The following BRD4 variants were observed in gnomAD, a reference collection of about 807,000 sequenced individuals.
BRD4 encodes the protein bromodomain containing 4, also known as bromodomain-containing protein 4.
A neutral mutation model predicts 142.1 loss-of-function variants in BRD4; 16 were observed. The observed-to-expected ratio is 0.11, with a 90% confidence interval of 0.08 to 0.17. The LOEUF (loss-of-function observed/expected upper bound fraction) is 0.17, where lower values mean the gene tolerates loss of function less well. BRD4 is among the 10% of genes least tolerant of loss of function. The probability of loss-of-function intolerance (pLI) is 1.00; values close to 1 mark genes in which losing one functional copy is unlikely to be tolerated. For synonymous variants in BRD4, 833 were observed against 707.5 expected, an observed-to-expected ratio of 1.18 and a Z score of -2.82; for missense variants, 1,424 against 1,810.9, an observed-to-expected ratio of 0.79 and a Z score of 3.88.
At chr19:15,306,436 T>G (rs145308924) in intron 1 of BRD4, among the ~76,000 whole-genome samples, 17 of 152,166 alleles carry the variant, frequency 1.1e-4, no homozygotes, top group African/African-American at 4.1e-4. Context: ...GCCTGGCTAC[T>G]TTTTCCATTT....
Position 15,315,161 on chromosome 19 carries a change from T to C in BRD4, c.-35+17129A>G, listed in dbSNP as rs551030430. 2.7e-3 allele frequency among the ~76,000 whole-genome samples: 408 copies of C among 152,138 alleles called. 3 individuals carry two copies. The highest frequency in any genetic ancestry group is 9.5e-3 in the African/African-American group (394 of 41,438). The stretch of plus-strand genomic sequence containing the variant: ...TCTCTGGACTGGCTTTGTTTTTTTT[T>C]TCCCCCCACAGGTATTCAGAGCCAA... On this transcript the variant is annotated intron_variant, in intron 1 of 19. Transcript: ENST00000679869.
chr19:15,322,019 T>C (rs910686303), intron 1 of BRD4, among the ~76,000 whole-genome samples: 3 of 152,038 alleles, frequency 2.0e-5, no homozygotes, highest in Non-Finnish European at 4.4e-5. Flanking sequence ...AAATGGCACA[T>C]ACATACACAC....
At chr19:15,247,665 AGCAGCTCCCCAATT>A (rs1226108683) in intron 11 of BRD4, 2 of 233,038 alleles carry the variant, frequency 8.6e-6, no homozygotes, top group Non-Finnish European at 1.7e-5. Flanking sequence ...AGACAATGCC[AGCAGCTCCCCAATT>A]GTCCTGTGGG....
At chr19:15,241,995 T>C (rs2047241869) in intron 14 of BRD4, among the ~76,000 whole-genome samples, 1 of 152,052 alleles carries the variant, frequency 6.6e-6, no homozygotes, top group African/African-American at 2.4e-5. Context: ...GTATTTTTAG[T>C]ACAGATAGGG....
intron 7 of BRD4, among the ~76,000 whole-genome samples, chr19:15,259,018 T>TG (rs772543265): frequency 2.6e-5 from 4 of 151,662 alleles, no homozygotes; most frequent in Non-Finnish European, 5.9e-5. Context: ...GAGGAAAAGG[T>TG]GGGGGGCTTC....
At position 15,244,615 on chromosome 19, in the gene BRD4, A is replaced by G. The variant is rs748238461; in HGVS notation, c.2212-15T>C. The G allele has an allele frequency of 6.2e-7, 1 of 1,610,918 alleles. No individual in the cohort carries two copies. Among genetic ancestry groups the G allele is most frequent in the South Asian group, 1.1e-5 (1 of 90,984 alleles). On this transcript the variant is annotated splice_polypyrimidine_tract_variant and intron_variant, in intron 12 of 19. Transcript: ENST00000679869. The stretch of plus-strand genomic sequence containing the variant: ...TGATGATGGTGCTGCAGACAGAGAG[A>G]CAGACAGACAGACAGGCTGATGTCA...
At position 15,244,256 on chromosome 19, in the gene BRD4, G is replaced by A. The variant is rs758140608; in HGVS notation, c.2556C>T (p.Asn852=). 3.2e-6 allele frequency: 5 copies of A among 1,579,492 alleles called. No individual in the cohort carries two copies. The highest frequency in any genetic ancestry group is 1.8e-5 in the Admixed American group (1 of 54,392). ...PPEHSTPPHL[N]QHAVVSPPAL... ...CTGGAGGAGAGACCACTGCGTGCTG[G>A]TTGAGATGGGGTGGAGTGCTGTGCT... Residue 852 remains asparagine (N), a synonymous_variant, in exon 13 of 20, where the codon AAC becomes AAT. Transcript: ENST00000679869.
At chr19:15,318,769 G>A (rs2048037144) in intron 1 of BRD4, among the ~76,000 whole-genome samples, 1 of 152,226 alleles carries the variant, frequency 6.6e-6, no homozygotes, top group Admixed American at 6.5e-5. Flanking sequence ...AACAGCAGCA[G>A]CTTCAGTGTA....
chr19:15,271,900 G>A (rs2047591244), intron 2 of BRD4, among the ~76,000 whole-genome samples: 1 of 124,988 alleles, frequency 8.0e-6, no homozygotes, highest in African/African-American at 3.4e-5. Flanking sequence ...CAGAGGCTAA[G>A]GCCGCTCCTA....
chr19:15,282,005 G>C (rs963041944), intron 1 of BRD4, among the ~76,000 whole-genome samples: 1 of 151,694 alleles, frequency 6.6e-6, no homozygotes, highest in African/African-American at 2.4e-5. Context: ...GCAACAGAGC[G>C]AGACTCCATC....
intron 14 of BRD4, among the ~76,000 whole-genome samples, chr19:15,241,615 G>A (rs889223391): frequency 1.3e-5 from 2 of 152,136 alleles, no homozygotes; most frequent in African/African-American, 4.8e-5. Context: ...ATAGGTGCCT[G>A]GTGCACCCGA....
Position 15,237,936 on chromosome 19 carries a change from G to A in BRD4, c.*441C>T, listed in dbSNP as rs200846538. 15 of 241,648 alleles carry A rather than the reference G, an allele frequency of 6.2e-5. No homozygotes were observed. Among genetic ancestry groups the A allele is most frequent in the East Asian group, 1.8e-4 (3 of 16,714 alleles). 15.0% of individuals were successfully genotyped at this position (241,648 alleles called of 1,614,324 possible). A position where few individuals can be genotyped will look rare whatever the true frequency, so the allele number is the denominator to read the frequency against. ...CTGCCCTGGCCTCCTGGGAGCGGGC[G>A]GCGATGGCTGGGGTGTGGGGAAAGA... On this transcript the variant is annotated 3_prime_UTR_variant, in exon 20 of 20. Transcript: ENST00000679869.
intron 11 of BRD4, chr19:15,253,757 A>T (rs1237557089): frequency 6.3e-7 from 1 of 1,598,172 alleles, no homozygotes; most frequent in Non-Finnish European, 8.5e-7. Flanking sequence ...GGCCCTGGGG[A>T]CACGAAGTCT....
intron 1 of BRD4, among the ~76,000 whole-genome samples, chr19:15,279,022 G>T (rs1288803896): frequency 6.6e-6 from 1 of 152,150 alleles, no homozygotes; most frequent in Non-Finnish European, 1.5e-5. Flanking sequence ...TGTATTTTTA[G>T]TAGAGATGGG....
At chr19:15,296,791 G>A (rs1376709003) in intron 1 of BRD4, among the ~76,000 whole-genome samples, 2 of 152,200 alleles carry the variant, frequency 1.3e-5, no homozygotes, top group East Asian at 1.9e-4. Flanking sequence ...TAAATCCTCT[G>A]AAAATTCCCT....
chr19:15,253,785 T>C (rs766190927), intron 11 of BRD4: 13 of 1,596,230 alleles, frequency 8.1e-6, no homozygotes, highest in Non-Finnish European at 1.1e-5. Flanking sequence ...TGCAGAAAGC[T>C]GGGTGTGGTC....
intron 1 of BRD4, among the ~76,000 whole-genome samples, chr19:15,281,852 T>G (rs2145648845): frequency 6.6e-6 from 1 of 152,218 alleles, no homozygotes; most frequent in Non-Finnish European, 1.5e-5. Context: ...ACCCTATCTC[T>G]ACTAATATAC....
chr19:15,264,892 T>A (rs2047515115), intron 5 of BRD4, 126 bp from the exon 6 acceptor site: 2 of 1,426,594 alleles, frequency 1.4e-6, no homozygotes, highest in Non-Finnish European at 9.5e-7. Context: ...GACCCAAAGA[T>A]AATTGCACAG....
At chr19:15,282,005 G>A (rs963041944) in intron 1 of BRD4, among the ~76,000 whole-genome samples, 7 of 151,694 alleles carry the variant, frequency 4.6e-5, no homozygotes, top group East Asian at 3.9e-4. Flanking sequence ...GCAACAGAGC[G>A]AGACTCCATC....
Sources: allele counts gnomAD v4.1 joint callset (sites outside exome capture counted in the v4.1 genomes callset), GRCh38; gene constraint gnomAD v4.1.1; transcripts MANE v1.5; gene names NCBI Gene and HGNC (gene_info 2026-07-23, HGNC 2026-07-21).